Variants in PTPRG observed in about 807,000 individuals in gnomAD.
PTPRG encodes receptor-type tyrosine-protein phosphatase gamma.
A neutral mutation model predicts 165.3 loss-of-function variants in PTPRG; 102 were observed. That is an observed-to-expected ratio of 0.62 (90% confidence interval 0.53 to 0.73). The LOEUF is 0.73. Among genes scored for constraint, PTPRG ranks in the 30% least tolerant of loss-of-function variants. The pLI, the probability that PTPRG is intolerant of heterozygous loss-of-function variation, is 0.00. For synonymous variants in PTPRG, 675 were observed against 669.5 expected (o/e 1.01, Z -0.13); for missense variants, 1,866 against 1,861.4 (o/e 1.00, Z -0.05).
intron 2 of PTPRG, among the ~76,000 whole-genome samples, chr3:61,963,497 A>G (rs2040199813): frequency 6.6e-6 from 1 of 152,216 alleles, no homozygotes; most frequent in African/African-American, 2.4e-5. Context: ...ATACTTGCGG[A>G]TGCTAGAAAG....
intron 1 of PTPRG, among the ~76,000 whole-genome samples, chr3:61,591,084 C>T (rs180941230): frequency 1.3e-5 from 2 of 152,214 alleles, no homozygotes; most frequent in African/African-American, 4.8e-5. Context: ...AGACCCTGTC[C>T]CAAAAAAAGA....
At chr3:61,805,839 G>A (rs1056947615) in intron 2 of PTPRG, among the ~76,000 whole-genome samples, 1 of 152,180 alleles carries the variant, frequency 6.6e-6, no homozygotes, top group South Asian at 2.1e-4. Context: ...GTGATTTCTT[G>A]AGAATGGTAG....
chr3:62,049,719 G>A (rs1700411753), intron 4 of PTPRG, among the ~76,000 whole-genome samples: 2 of 152,298 alleles, frequency 1.3e-5, no homozygotes, highest in South Asian at 4.1e-4. Context: ...GAGTTGTGCA[G>A]TACTCACCCT....
chr3:61,914,875 T>G (rs1269155263), intron 2 of PTPRG, among the ~76,000 whole-genome samples: 1 of 152,338 alleles, frequency 6.6e-6, no homozygotes, highest in Non-Finnish European at 1.5e-5. Context: ...GGATGCATTT[T>G]ATTTTTCTCC....
At chr3:62,125,964 G>A (rs1003453207) in intron 5 of PTPRG, among the ~76,000 whole-genome samples, 6 of 152,038 alleles carry the variant, frequency 3.9e-5, no homozygotes, top group African/African-American at 7.2e-5. Context: ...GGGCCCCCAC[G>A]GGAGTACCAT....
intron 2 of PTPRG, among the ~76,000 whole-genome samples, chr3:61,827,199 A>T (rs1043978173): frequency 6.6e-6 from 1 of 152,218 alleles, no homozygotes; most frequent in Non-Finnish European, 1.5e-5. Context: ...CTAGTCCCCT[A>T]AGTGGTGCAT....
At chr3:61,974,207 G>A (rs11918950) in intron 2 of PTPRG, among the ~76,000 whole-genome samples, 82,438 of 151,876 alleles carry the variant, frequency 0.54, 23,168 homozygotes, top group African/African-American at 0.7. Flanking sequence ...AAAGGCCTAT[G>A]GTTTCAATTA....
chr3:62,048,195 G>A (rs1700358665), intron 4 of PTPRG, among the ~76,000 whole-genome samples: 1 of 151,830 alleles, frequency 6.6e-6, no homozygotes, highest in Non-Finnish European at 1.5e-5. Context: ...AAAAAAAGAA[G>A]AAAGAAAACA....
intron 1 of PTPRG, among the ~76,000 whole-genome samples, chr3:61,697,196 C>T (rs185059898): frequency 6.6e-6 from 1 of 152,260 alleles, no homozygotes; most frequent in Non-Finnish European, 1.5e-5. Context: ...GAGGCGCCTC[C>T]CTCTACCCTG....
chr3:61,728,591 CAAGTT>C (rs2032358305), intron 1 of PTPRG, among the ~76,000 whole-genome samples: 1 of 151,830 alleles, frequency 6.6e-6, no homozygotes, highest in African/African-American at 2.4e-5. Flanking sequence ...TCAAAAAAAA[CAAGTT>C]AAAAAAGAAA....
chr3:62,119,206 G>A (rs1702972560), intron 5 of PTPRG, among the ~76,000 whole-genome samples: 1 of 152,190 alleles, frequency 6.6e-6, no homozygotes, highest in South Asian at 2.1e-4. Context: ...AAATTTCAGA[G>A]ACTCTCCAGC....
At chr3:61,886,454 A>T (rs148921817) in intron 2 of PTPRG, among the ~76,000 whole-genome samples, 63 of 152,140 alleles carry the variant, frequency 4.1e-4, no homozygotes, top group Non-Finnish European at 8.1e-4. Context: ...TCATGGGGAA[A>T]TCGTTGCACT....
chr3:62,002,589 A>T (rs79267092), intron 3 of PTPRG, among the ~76,000 whole-genome samples: 13,619 of 152,210 alleles, frequency 0.089, 1,003 homozygotes, highest in African/African-American at 0.19. Flanking sequence ...TTCAAGAAAG[A>T]GCAGTATATT....
At chr3:62,151,821 T>C (rs1704346627) in intron 6 of PTPRG, among the ~76,000 whole-genome samples, 1 of 152,136 alleles carries the variant, frequency 6.6e-6, no homozygotes, top group Non-Finnish European at 1.5e-5. Context: ...GCAAGACTTA[T>C]TTAACAAGCA....
chr3:62,209,232 C>T (rs947063874), intron 12 of PTPRG, among the ~76,000 whole-genome samples: 1 of 152,170 alleles, frequency 6.6e-6, no homozygotes, highest in African/African-American at 2.4e-5. Flanking sequence ...ATAACTGGCA[C>T]TGGGGTGCTA....
At chr3:62,008,514 A>G (rs1300739182) in intron 4 of PTPRG, among the ~76,000 whole-genome samples, 2 of 152,216 alleles carry the variant, frequency 1.3e-5, no homozygotes, top group African/African-American at 2.4e-5. Flanking sequence ...CCTAATGTAT[A>G]CCATGTACAC....
intron 5 of PTPRG, among the ~76,000 whole-genome samples, chr3:62,081,706 A>G (rs573176587): frequency 4.6e-5 from 7 of 152,312 alleles, no homozygotes; most frequent in Admixed American, 3.9e-4. Flanking sequence ...ATGTCATGCA[A>G]TGCAAATAAA....
intron 2 of PTPRG, among the ~76,000 whole-genome samples, chr3:61,864,096 G>A (rs1414050067): frequency 6.6e-6 from 1 of 152,020 alleles, no homozygotes; most frequent in Non-Finnish European, 1.5e-5. Flanking sequence ...TGTACAATGG[G>A]GAGAGTAAAA....
intron 2 of PTPRG, among the ~76,000 whole-genome samples, chr3:61,918,232 T>C (rs2038989734): frequency 1.3e-5 from 2 of 152,162 alleles, no homozygotes; most frequent in Admixed American, 1.3e-4. Flanking sequence ...TTGATGTCAA[T>C]GTGAAAGTGA....
Sources: gnomAD v4.1 joint callset for allele counts (sites outside exome capture counted in the v4.1 genomes callset) on GRCh38, gnomAD v4.1.1 for gene constraint, MANE v1.5 for transcripts, NCBI Gene and HGNC (gene_info 2026-07-23, HGNC 2026-07-21) for gene names.